TENM3: variants seen among roughly 807,000 people sequenced by gnomAD.
TENM3 encodes teneurin transmembrane protein 3, also known as teneurin-3.
In TENM3, 63 loss-of-function variants were observed where a neutral mutation model predicts 255.1. That is an observed-to-expected ratio of 0.25 (90% CI 0.20 to 0.30). The LOEUF is 0.30. Ranked by LOEUF, TENM3 falls within the 10% of genes least tolerant of loss-of-function variation. TENM3 has a pLI of 1.00. For missense variants in TENM3, 2,929 were observed against 3,461.1 expected, an observed-to-expected ratio of 0.85 and a Z score of 3.86; for synonymous variants, 1,306 against 1,322.3, an observed-to-expected ratio of 0.99 and a Z score of 0.27.
rs1175000303 is a variant in TENM3, at chr4:182,789,213, C to T, written c.5425C>T (p.Leu1809Phe). Residue 1809 changes from leucine to phenylalanine, a missense_variant, in exon 25 of 28, where the codon CTC becomes TTC. This residue lies in a region of TENM3 where 303 missense variants were observed against 425.2 expected (regional missense o/e 0.71). Transcript: ENST00000511685. This position sits in a 1 kb window ranked among gnomAD's most constrained non-coding sequence, Gnocchi z 4.4. ...IAYDTSGHPT[L>F]WLPSSKLMAV... ...CTACGACACGTCTGGGCACCCGACTCTCTGGCTGCCAAGCAGCAAGCTGAT... is the reference window on the plus strand; with the variant it reads ...CTACGACACGTCTGGGCACCCGACTTTCTGGCTGCCAAGCAGCAAGCTGAT... The T allele has an allele frequency of 2.4e-5, 39 of 1,613,604 alleles. No homozygotes were observed. Among genetic ancestry groups the T allele is most frequent in the Non-Finnish European group, 3.3e-5 (39 of 1,179,770 alleles).
the TENM3 span, among the ~76,000 whole-genome samples, chr4:181,770,659 A>T: frequency 7.4e-6 from 1 of 135,940 alleles, no homozygotes; most frequent in Non-Finnish European, 1.5e-5. Flanking sequence ...TGGGCAACAG[A>T]GCCAGACTCT....
the TENM3 span, among the ~76,000 whole-genome samples, chr4:181,532,889 A>G: frequency 1.3e-5 from 2 of 152,212 alleles, no homozygotes; most frequent in South Asian, 2.1e-4. Flanking sequence ...AGAATTCTGT[A>G]TATAAAACCC....
chr4:181,511,743 C>A, the TENM3 span, among the ~76,000 whole-genome samples: 1 of 152,138 alleles, frequency 6.6e-6, no homozygotes, highest in African/African-American at 2.4e-5. Context: ...GCTCTGGGGA[C>A]CTGCTAGGAG....
chr4:182,072,551 T>C, the TENM3 span, among the ~76,000 whole-genome samples: 1 of 152,232 alleles, frequency 6.6e-6, no homozygotes, highest in African/African-American at 2.4e-5. Context: ...AATAAAGTAT[T>C]TGAAACAATA....
rs1753034897 is a variant in TENM3, at chr4:182,649,224, A to G, written c.989-4547A>G. Among the ~76,000 whole-genome samples the G allele has an allele frequency of 1.3e-5, 2 of 150,534 alleles. 1 individual carries two copies. Among genetic ancestry groups the G allele is most frequent in the Non-Finnish European group, 3.0e-5 (2 of 67,380 alleles). ...CAAAATACTCCCATTTATAGTTGGT[A>G]AAAATCTTGTATTTACTAGTTTTAA... On this transcript the variant is annotated intron_variant, in intron 5 of 27. Coordinates refer to ENST00000511685, the MANE Select transcript of TENM3 (RefSeq NM_001080477.4).
In TENM3 at chr4:182,359,274, G is replaced by A. The variant is rs578197685; in HGVS notation, c.511+12345G>A. The stretch of plus-strand genomic sequence containing the variant: ...GGATTCTCTCTTTTTCTATTGATTC[G>A]AATAGTTTCAGAAGGAATGGTACCA... On this transcript the variant is annotated intron_variant, in intron 3 of 27. Transcript: ENST00000511685. Among the ~76,000 whole-genome samples, 158 of 152,186 alleles carry A rather than the reference G, an allele frequency of 1.0e-3. 5 individuals are homozygous for A. The South Asian group carries it at 0.03, about 29-fold the overall frequency.
At chr4:181,689,394 C>T in the TENM3 span, among the ~76,000 whole-genome samples, 1 of 152,164 alleles carries the variant, frequency 6.6e-6, no homozygotes, top group African/African-American at 2.4e-5. Context: ...CCATCCAACT[C>T]GGCAAAGCCA....
intron 5 of TENM3, among the ~76,000 whole-genome samples, chr4:182,630,772 A>ATTT (rs899735030): frequency 1.3e-5 from 2 of 149,398 alleles, no homozygotes; most frequent in African/African-American, 4.9e-5. Context: ...TATTATTATT[A>ATTT]TTTTTTTTTT....
chr4:182,775,845 G>A (rs930595683), intron 24 of TENM3, among the ~76,000 whole-genome samples: 1 of 152,112 alleles, frequency 6.6e-6, no homozygotes, highest in Admixed American at 6.6e-5. Context: ...CCTTATGGGA[G>A]AATCAGAACA....
chr4:182,076,216 T>TTA, the TENM3 span, among the ~76,000 whole-genome samples: 2 of 50,592 alleles, frequency 4.0e-5, no homozygotes, highest in Non-Finnish European at 7.9e-5. Context: ...TCTTCTTCTT[T>TTA]TTTTTTTTTT....
chr4:182,437,941 G>A (rs1772167828), intron 3 of TENM3, among the ~76,000 whole-genome samples: 1 of 152,114 alleles, frequency 6.6e-6, no homozygotes, highest in South Asian at 2.1e-4. Context: ...AACAGAGCGA[G>A]ATCCTGTCTC....
At chr4:181,658,333 G>A in the TENM3 span, among the ~76,000 whole-genome samples, 4 of 152,194 alleles carry the variant, frequency 2.6e-5, no homozygotes, top group Admixed American at 6.5e-5. Flanking sequence ...CCACTGGCAA[G>A]TAAGTGAGAC....
At chr4:182,566,681 AG>A (rs1409218919) in intron 3 of TENM3, among the ~76,000 whole-genome samples, 1 of 152,180 alleles carries the variant, frequency 6.6e-6, no homozygotes, top group East Asian at 1.9e-4. Context: ...CTTTATATTG[AG>A]GCCACCAATG....
intron 3 of TENM3, among the ~76,000 whole-genome samples, chr4:182,556,267 C>CA (rs1742578117): frequency 1.3e-5 from 2 of 152,202 alleles, no homozygotes; most frequent in Non-Finnish European, 2.9e-5. Context: ...GCAATGCACA[C>CA]AGGCACTGCT....
the TENM3 span, among the ~76,000 whole-genome samples, chr4:181,740,856 G>A: frequency 6.6e-6 from 1 of 152,066 alleles, no homozygotes; most frequent in African/African-American, 2.4e-5. Flanking sequence ...CTTTCCACTC[G>A]GCTGTACTTT....
At chr4:182,767,664 A>C (rs1008941459) in intron 22 of TENM3, among the ~76,000 whole-genome samples, 2 of 152,206 alleles carry the variant, frequency 1.3e-5, no homozygotes, top group African/African-American at 2.4e-5. Context: ...ACACATACAC[A>C]TTATAGTGAA....
chr4:182,361,710 C>G (rs1307469629), intron 3 of TENM3, among the ~76,000 whole-genome samples: 2 of 152,186 alleles, frequency 1.3e-5, no homozygotes, highest in African/African-American at 4.8e-5. Flanking sequence ...GCCTTCTTCT[C>G]TCAACTCGTC....
Position 182,754,584 on chromosome 4 carries a change from C to T in TENM3, c.4217C>T (p.Thr1406Ile). 1 of 1,614,026 alleles carries T rather than the reference C, an allele frequency of 6.2e-7. No homozygotes were observed. Among genetic ancestry groups the T allele is most frequent in the East Asian group, 2.2e-5 (1 of 44,880 alleles). ...GTGCAGACAACACTGGAATCAGCCA[C>T]TGCCATTGCTGTGTCCTACAGTGGG... Reference protein sequence around the residue: ...HAVQTTLESATAIAVSYSGVL... With the variant: ...HAVQTTLESAIAIAVSYSGVL... Residue 1406 changes from threonine to isoleucine, a missense_variant, in exon 22 of 28, where the codon ACT becomes ATT. Coordinates refer to ENST00000511685, the MANE Select transcript of TENM3 (RefSeq NM_001080477.4). This position sits in a 1 kb window ranked among gnomAD's most constrained non-coding sequence, Gnocchi z 5.1.
chr4:181,671,910 T>G, the TENM3 span, among the ~76,000 whole-genome samples: 19 of 152,240 alleles, frequency 1.2e-4, no homozygotes, highest in African/African-American at 4.3e-4. Context: ...CTCTGGCTCA[T>G]GGGATAGATT....
Sources: allele counts gnomAD v4.1 joint callset (sites outside exome capture counted in the v4.1 genomes callset), GRCh38; gene constraint gnomAD v4.1.1; regional missense constraint gnomAD v4.1.1; non-coding constraint Gnocchi (gnomAD v3.1); transcripts MANE v1.5; gene names NCBI Gene and HGNC (gene_info 2026-07-23, HGNC 2026-07-21).